Variants in ADAMTS17 observed in about 807,000 individuals in gnomAD.
ADAMTS17 encodes the protein A disintegrin and metalloproteinase with thrombospondin motifs 17.
In ADAMTS17, 113 loss-of-function variants were observed where a neutral mutation model predicts 141.5. The observed-to-expected ratio is 0.80, with a 90% CI of 0.69 to 0.93. ADAMTS17 has a LOEUF of 0.93. Among genes scored for constraint, ADAMTS17 ranks in the 40% least tolerant of loss-of-function variants. The probability of loss-of-function intolerance (pLI) is 0.00; values close to 1 mark genes in which losing one functional copy is unlikely to be tolerated. For synonymous variants in ADAMTS17, 768 were observed against 630.6 expected (o/e 1.22, Z -3.27); for missense variants, 1,659 against 1,517.9 (o/e 1.09, Z -1.54).
intron 11 of ADAMTS17, 116 bp from the exon 12 acceptor site, chr15:100,132,268 G>T (rs774557642): frequency 4.3e-6 from 6 of 1,394,860 alleles, no homozygotes; most frequent in Admixed American, 2.1e-5. Flanking sequence ...TTACATAAAG[G>T]TACAGTCTAT....
rs2031617714 is a variant in ADAMTS17, at chr15:100,045,537, T to G, written c.2591+3320A>C. Among the ~76,000 whole-genome samples the G allele has an allele frequency of 2.6e-5, 4 of 152,216 alleles. No individual in the cohort carries two copies. The South Asian group carries it at 8.3e-4, about 32-fold the overall frequency. ...GTCTTCTAGCTTTAGCTGTGCTATG[T>G]GGAGTCTGGCCGGCCTGTCTTATTC... On this transcript the variant is annotated intron_variant, in intron 18 of 21. Transcript: ENST00000268070.
At chr15:100,076,064 A>G (rs1407406527) in intron 15 of ADAMTS17, among the ~76,000 whole-genome samples, 1 of 151,572 alleles carries the variant, frequency 6.6e-6, no homozygotes, top group African/African-American at 2.4e-5. Context: ...TGTTTTCGAG[A>G]TGGAGTTTTG....
chr15:100,182,085 C>T (rs2040544936), intron 8 of ADAMTS17, among the ~76,000 whole-genome samples: 1 of 152,128 alleles, frequency 6.6e-6, no homozygotes, highest in South Asian at 2.1e-4. Context: ...GTGCATTAGG[C>T]CATTTTTCAC....
chr15:100,074,067 T>G (rs911628176), intron 15 of ADAMTS17: 1 of 152,768 alleles, frequency 6.5e-6, no homozygotes, highest in African/African-American at 2.4e-5. Flanking sequence ...GTTTTACTCT[T>G]TTGAACTGTT....
intron 3 of ADAMTS17, among the ~76,000 whole-genome samples, chr15:100,284,804 T>C (rs796727738): frequency 3.9e-5 from 6 of 152,332 alleles, no homozygotes; most frequent in African/African-American, 1.4e-4. Context: ...TGATAGCAAC[T>C]TCAAAAGTAA....
chr15:100,176,420 A>C (rs1392455285), intron 8 of ADAMTS17, among the ~76,000 whole-genome samples: 1 of 152,164 alleles, frequency 6.6e-6, no homozygotes, highest in East Asian at 1.9e-4. Context: ...ATCATGACTT[A>C]ATTGGTACGA....
rs370358439 is a variant in ADAMTS17 at position 100,190,929 on chromosome 15, C to T, written c.1181+8389G>A. 2.6e-5 allele frequency among the ~76,000 whole-genome samples: 4 copies of T among 152,256 alleles called. No homozygotes were observed. In the East Asian group the frequency reaches 5.8e-4, roughly 22 times the overall value. ...TGTGCTGTGGCCTGAGCTTCTGGTC[C>T]GAGTCTCCACTGGGCCACATAGCGC... On this transcript the variant is annotated intron_variant, in intron 8 of 21. Coordinates refer to ENST00000268070, the MANE Select transcript of ADAMTS17 (RefSeq NM_139057.4).
intron 14 of ADAMTS17, among the ~76,000 whole-genome samples, chr15:100,100,142 G>A (rs1002980156): frequency 6.6e-6 from 1 of 152,156 alleles, no homozygotes; most frequent in Non-Finnish European, 1.5e-5. Context: ...CATGTAAGAT[G>A]GAGGGAGACG....
At chr15:100,312,268 A>G (rs1366395071) in intron 3 of ADAMTS17, among the ~76,000 whole-genome samples, 1 of 152,214 alleles carries the variant, frequency 6.6e-6, no homozygotes, top group Non-Finnish European at 1.5e-5. Context: ...ACAGAAGAGA[A>G]TTGTCAGAGT....
chr15:100,197,790 G>C (rs772931310), intron 8 of ADAMTS17, among the ~76,000 whole-genome samples: 2 of 152,100 alleles, frequency 1.3e-5, no homozygotes, highest in African/African-American at 2.4e-5. Context: ...TACAGGAATG[G>C]AAGAAATTAA....
chr15:100,322,995 G>A (rs905666508), intron 3 of ADAMTS17, among the ~76,000 whole-genome samples: 1 of 149,544 alleles, frequency 6.7e-6, no homozygotes, highest in Non-Finnish European at 1.5e-5. Flanking sequence ...GCTGAGGCAG[G>A]AGAATGGCAT....
chr15:100,314,649 A>G (rs766228904), intron 3 of ADAMTS17, among the ~76,000 whole-genome samples: 1 of 152,252 alleles, frequency 6.6e-6, no homozygotes, highest in Non-Finnish European at 1.5e-5. Flanking sequence ...GGGGACAAGG[A>G]TAACAGAGCA....
At chr15:100,185,881 C>T (rs956477841) in intron 8 of ADAMTS17, among the ~76,000 whole-genome samples, 1 of 152,216 alleles carries the variant, frequency 6.6e-6, no homozygotes, top group Non-Finnish European at 1.5e-5. Flanking sequence ...GCCACTTAAC[C>T]CCTGAAGGGC....
chr15:100,057,466 C>T (rs1468130914), intron 15 of ADAMTS17, among the ~76,000 whole-genome samples: 13 of 152,298 alleles, frequency 8.5e-5, no homozygotes, highest in South Asian at 6.2e-4. Flanking sequence ...CAGCACGGAC[C>T]GGCTGAGTCC....
chr15:100,304,775 A>C (rs1473624292), intron 3 of ADAMTS17, among the ~76,000 whole-genome samples: 1 of 152,162 alleles, frequency 6.6e-6, no homozygotes, highest in Non-Finnish European at 1.5e-5. Context: ...TGAATATCAC[A>C]GGTTTGAACT....
intron 18 of ADAMTS17, among the ~76,000 whole-genome samples, chr15:100,040,366 G>A (rs139531799): frequency 3.6e-4 from 55 of 152,276 alleles, no homozygotes; most frequent in African/African-American, 1.3e-3. Context: ...CTGAGAGATC[G>A]CTTTGTAATC....
intron 12 of ADAMTS17, 35 bp downstream of exon 12, chr15:100,131,972 T>C: frequency 6.2e-7 from 1 of 1,614,046 alleles, no homozygotes; most frequent in Non-Finnish European, 8.5e-7. Context: ...ACTCCAATCG[T>C]GGCACGTTGG....
At chr15:100,109,533 G>A (rs1212100277) in intron 13 of ADAMTS17, among the ~76,000 whole-genome samples, 5 of 152,200 alleles carry the variant, frequency 3.3e-5, no homozygotes, top group African/African-American at 4.8e-5. Context: ...TGAGGGCAGC[G>A]GCCCCAAGGG....
chr15:99,986,231 A>G (rs892718308), intron 20 of ADAMTS17, among the ~76,000 whole-genome samples: 4 of 152,238 alleles, frequency 2.6e-5, no homozygotes, highest in African/African-American at 7.2e-5. Context: ...AACTGTCTGT[A>G]ACTACCCTCT....
Sources: gnomAD v4.1 joint callset for allele counts (sites outside exome capture counted in the v4.1 genomes callset) on GRCh38, gnomAD v4.1.1 for gene constraint, MANE v1.5 for transcripts, NCBI Gene and HGNC (gene_info 2026-07-23, HGNC 2026-07-21) for gene names.